ZNF10: variants seen among roughly 807,000 people sequenced by gnomAD.
The protein encoded by ZNF10 is zinc finger protein 10.
Under a neutral mutation model 12.2 loss-of-function variants are expected in ZNF10, and 8 were observed. The ratio of observed to expected loss-of-function variants is 0.66; its 90% CI spans 0.39 to 1.18. ZNF10 has a LOEUF of 1.18. ZNF10 is among the 50% of genes most tolerant of loss of function. The pLI, the probability that ZNF10 is intolerant of heterozygous loss-of-function variation, is 0.01. For synonymous variants in ZNF10, 229 were observed against 228.2 expected (o/e 1.00, Z -0.03); for missense variants, 603 against 678.9 (o/e 0.89, Z 1.24).
Position 133,156,182 on chromosome 12 carries a change from A to G in ZNF10, c.936A>G (p.Gln312=). The G allele has an allele frequency of 6.2e-7, 1 of 1,613,756 alleles. No individual in the cohort carries two copies. Among genetic ancestry groups the G allele is most frequent in the South Asian group, 1.1e-5 (1 of 91,066 alleles). The change falls in exon 5 of 5, where the codon CAA becomes CAG. Residue 312 remains glutamine, a synonymous_variant. Coordinates refer to ENST00000248211, the MANE Select transcript of ZNF10 (RefSeq NM_015394.5). The part of the protein sequence containing the change: ...FSRSSHLIGH[Q]KTHTGEEPYE... ...GGAGTTCTCACCTCATTGGACATCA[A>G]AAGACCCATACTGGTGAGGAACCCT...
At chr12:133,154,918 A>T (rs1416821824) in intron 4 of ZNF10, among the ~76,000 whole-genome samples, 1 of 152,208 alleles carries the variant, frequency 6.6e-6, no homozygotes. Context: ...CTCTGCTAAA[A>T]ATATTAAAAA....
At position 133,157,761 on chromosome 12, in the gene ZNF10, TCCTATTCTAAATTGTTTTGGGTCA is replaced by T. The variant is rs1956051447; in HGVS notation, c.*795_*818del. The T allele has an allele frequency of 2.6e-5, 4 of 152,318 alleles. No individual in the cohort carries two copies. The South Asian group carries it at 6.2e-4, about 24-fold the overall frequency. 9.4% of individuals were successfully genotyped at this position (152,318 alleles called of 1,614,324 possible). On this transcript the variant is annotated 3_prime_UTR_variant, in exon 5 of 5. Transcript: ENST00000248211. The stretch of plus-strand genomic sequence containing the variant: ...TTGAGTACCACCTGTTAATGAGCTT[TCCTATTCTAAATTGTTTTGGGTCA>T]CAGAGTTCCACTTTTTCCACTCTTA...
intron 1 of ZNF10, chr12:133,131,080 T>C (rs1469984480): frequency 6.6e-6 from 1 of 152,150 alleles, no homozygotes; most frequent in Admixed American, 6.5e-5. Context: ...CTTCCATTTT[T>C]CCCCCCAGCT....
In ZNF10 at chr12:133,151,024, G is replaced by A. The variant is rs755684703; in HGVS notation, c.34-4G>A. The A allele has an allele frequency of 2.5e-6, 4 of 1,612,488 alleles. No individual in the cohort carries two copies. The highest frequency in any genetic ancestry group is 1.7e-5 in the Admixed American group (1 of 59,942). ...GTGCAATGCAAATGTGTTTGATGTT[G>A]TAGACACTGGTGACCTTCAAGGATG... On this transcript the variant is annotated splice_polypyrimidine_tract_variant and splice_region_variant and intron_variant, in intron 2 of 4. Coordinates refer to ENST00000248211, the MANE Select transcript of ZNF10 (RefSeq NM_015394.5).
rs2135466333 is a variant in ZNF10 at position 133,157,320 on chromosome 12, TTGC to T, written c.*355_*357del. The T allele has an allele frequency of 5.7e-6, 1 of 174,052 alleles. No individual in the cohort carries two copies. The highest frequency in any genetic ancestry group is 1.5e-4 in the East Asian group (1 of 6,514). 10.8% of individuals were successfully genotyped at this position (174,052 alleles called of 1,614,324 possible). On this transcript the variant is annotated 3_prime_UTR_variant, in exon 5 of 5. Transcript: ENST00000248211. ...GAGTATGCTACTATAGGGAGAGTTG[TTGC>T]TGAGAATTAAGAAATGATACAGTTA...
At chr12:133,139,620 G>A (rs1955932837) in intron 1 of ZNF10, among the ~76,000 whole-genome samples, 1 of 152,164 alleles carries the variant, frequency 6.6e-6, no homozygotes, top group Admixed American at 6.5e-5. Context: ...AAGTCAAGTA[G>A]GAGGTCTCTA....
chr12:133,131,412 C>A (rs1421067031), intron 1 of ZNF10, among the ~76,000 whole-genome samples: 2 of 151,878 alleles, frequency 1.3e-5, no homozygotes, highest in African/African-American at 4.8e-5. Context: ...AGATCCCACC[C>A]AAAGTGTATG....
Position 133,155,570 on chromosome 12 carries a change from C to G in ZNF10, c.324C>G (p.Ser108=). 2 of 1,611,722 alleles carry G rather than the reference C, an allele frequency of 1.2e-6. No homozygotes were observed. Among genetic ancestry groups the G allele is most frequent in the Non-Finnish European group, 1.7e-6 (2 of 1,179,372 alleles). The part of the protein sequence containing the change: ...SSRSIFKDKQ[S]CDIKMEGMAR... ...GGAGCATTTTTAAAGATAAGCAATC[C>G]TGTGACATTAAAATGGAAGGAATGG... The change falls in exon 5 of 5, where the codon TCC becomes TCG. Residue 108 remains serine (S), a synonymous_variant. Coordinates refer to ENST00000248211, the MANE Select transcript of ZNF10 (RefSeq NM_015394.5).
At chr12:133,140,492 T>C (rs908428327) in intron 1 of ZNF10, among the ~76,000 whole-genome samples, 1 of 149,396 alleles carries the variant, frequency 6.7e-6, no homozygotes, top group African/African-American at 2.5e-5. Context: ...GTTTTACAAA[T>C]ACTAACTCAT....
Position 133,156,969 on chromosome 12 carries a change from T to A in ZNF10, c.*1T>A. 1 of 1,412,108 alleles carries A rather than the reference T, an allele frequency of 7.1e-7. No individual in the cohort carries two copies. The highest frequency in any genetic ancestry group is 9.3e-7 in the Non-Finnish European group (1 of 1,080,530). 87.5% of individuals were successfully genotyped at this position (1,412,108 alleles called of 1,614,324 possible). A position where few individuals can be genotyped will look rare whatever the true frequency, so the allele number is the denominator to read the frequency against. On this transcript the variant is annotated 3_prime_UTR_variant, in exon 5 of 5. Transcript: ENST00000248211. Reference sequence around the variant, plus strand: ...TCATATTAGAGAAAATGCTTACTAATAAATATGGGAATTTTTCACAAAGAG... The same window carrying A: ...TCATATTAGAGAAAATGCTTACTAAAAAATATGGGAATTTTTCACAAAGAG...
At chr12:133,138,052 A>AG (rs1322919076) in intron 1 of ZNF10, among the ~76,000 whole-genome samples, 1 of 152,142 alleles carries the variant, frequency 6.6e-6, no homozygotes, top group Non-Finnish European at 1.5e-5. Flanking sequence ...CTCTTAAAAA[A>AG]AAAAAATCCT....
chr12:133,137,520 A>G (rs1293550729), intron 1 of ZNF10, among the ~76,000 whole-genome samples: 1 of 152,012 alleles, frequency 6.6e-6, no homozygotes, highest in African/African-American at 2.4e-5. Flanking sequence ...TCCCTTACCT[A>G]CCAAACCAGC....
intron 1 of ZNF10, among the ~76,000 whole-genome samples, chr12:133,131,493 AG>A (rs1955876200): frequency 6.6e-6 from 1 of 152,016 alleles, no homozygotes; most frequent in Non-Finnish European, 1.5e-5. Context: ...AAAAAAAAAA[AG>A]TAAAAGGGAA....
At chr12:133,148,751 G>GTT (rs34626298) in intron 2 of ZNF10, among the ~76,000 whole-genome samples, 1,361 of 126,700 alleles carry the variant, frequency 0.011, 29 homozygotes, top group African/African-American at 0.039. Flanking sequence ...TTCAATGTTG[G>GTT]TTTTTTTTTT....
At chr12:133,131,715 C>T (rs896152150) in intron 1 of ZNF10, among the ~76,000 whole-genome samples, 3 of 152,202 alleles carry the variant, frequency 2.0e-5, no homozygotes, top group Non-Finnish European at 4.4e-5. Context: ...AAGTTGCACA[C>T]GCTCCTGCCT....
chr12:133,132,646 ATTC>A (rs1178095983), intron 1 of ZNF10, among the ~76,000 whole-genome samples: 28 of 152,288 alleles, frequency 1.8e-4, no homozygotes, highest in African/African-American at 6.0e-4. Flanking sequence ...AGGGCTTTTA[ATTC>A]TTCTGGCTAT....
rs12826062 is a variant in ZNF10 at position 133,157,092 on chromosome 12, A to G, written c.*124A>G. ...CAGTCTTGTTACTATCCTATTGCAC[A>G]TTAGAGAATTGGTCCTGGAAGGGAA... On this transcript the variant is annotated 3_prime_UTR_variant, in exon 5 of 5. Transcript: ENST00000248211. 1 of 858,646 alleles carries G rather than the reference A, an allele frequency of 1.2e-6. No homozygotes were observed. The highest frequency in any genetic ancestry group is 1.6e-6 in the Non-Finnish European group (1 of 634,008). The allele number at this position is 858,646 out of a possible 1,614,324, so 53.2% of individuals were successfully genotyped here.
At chr12:133,136,690 G>C (rs980860621) in intron 1 of ZNF10, among the ~76,000 whole-genome samples, 1 of 152,068 alleles carries the variant, frequency 6.6e-6, no homozygotes, top group Admixed American at 6.6e-5. Context: ...TATGTCACAG[G>C]GTTGTTGATA....
chr12:133,141,131 C>G (rs1335497188), intron 1 of ZNF10, among the ~76,000 whole-genome samples: 1 of 152,184 alleles, frequency 6.6e-6, no homozygotes. Context: ...TCAAGAAGGT[C>G]TTGCTTCAGT....
Sources: gnomAD v4.1 joint callset for allele counts (sites outside exome capture counted in the v4.1 genomes callset) on GRCh38, gnomAD v4.1.1 for gene constraint, MANE v1.5 for transcripts, NCBI Gene and HGNC (gene_info 2026-07-23, HGNC 2026-07-21) for gene names.